The following MEF2A variants were observed in gnomAD, a reference collection of about 807,000 sequenced individuals.
MEF2A encodes the protein myocyte-specific enhancer factor 2A.
A neutral mutation model predicts 55.8 loss-of-function variants in MEF2A; 28 were observed. That is an observed-to-expected ratio of 0.50 (90% confidence interval 0.37 to 0.69). The LOEUF is 0.69. MEF2A is among the 30% of genes least tolerant of loss of function. MEF2A has a pLI of 0.00. For synonymous variants in MEF2A, 239 were observed against 227.1 expected (o/e 1.05, Z -0.47); for missense variants, 528 against 626.2 (o/e 0.84, Z 1.67).
intron 2 of MEF2A, among the ~76,000 whole-genome samples, chr15:99,617,964 C>T (rs1332720389): frequency 1.3e-5 from 2 of 152,090 alleles, no homozygotes; most frequent in African/African-American, 4.8e-5. Context: ...TTGTAAATTA[C>T]ATGTAAACAT....
At chr15:99,640,038 G>A (rs1427209213) in intron 3 of MEF2A, among the ~76,000 whole-genome samples, 3 of 152,136 alleles carry the variant, frequency 2.0e-5, no homozygotes, top group African/African-American at 7.2e-5. Context: ...AGTAGATTGT[G>A]AGCCTTTTTA....
At chr15:99,584,885 A>C (rs2152899864) in intron 1 of MEF2A, among the ~76,000 whole-genome samples, 1 of 151,368 alleles carries the variant, frequency 6.6e-6, no homozygotes, top group Non-Finnish European at 1.5e-5. Flanking sequence ...TTATTTTTTC[A>C]GAAAAGAACG....
At position 99,645,725 on chromosome 15, in the gene MEF2A, T is replaced by C. The variant is rs1156890060; in HGVS notation, c.219T>C (p.Asn73=). 6.2e-7 allele frequency: 1 copy of C among 1,611,182 alleles called. No individual in the cohort carries two copies. The change falls in exon 4 of 12, where the codon AAT becomes AAC. Residue 73 remains asparagine (N), a synonymous_variant. Coordinates refer to ENST00000557942, the MANE Select transcript of MEF2A (RefSeq NM_001319206.4). ...DKVLLKYTEY[N]EPHESRTNSD... ...TTCTTCTCAAGTATACAGAATATAA[T>C]GAACCTCATGAAAGCAGAACCAACT...
At chr15:99,679,979 T>C (rs2052906911) in intron 7 of MEF2A, among the ~76,000 whole-genome samples, 1 of 152,156 alleles carries the variant, frequency 6.6e-6, no homozygotes, top group Admixed American at 6.5e-5. Flanking sequence ...CTTTGGACAT[T>C]GTTGTCTGCA....
chr15:99,630,405 T>C (rs2042768458), intron 2 of MEF2A, among the ~76,000 whole-genome samples: 1 of 152,214 alleles, frequency 6.6e-6, no homozygotes, highest in African/African-American at 2.4e-5. Flanking sequence ...TTCAAAATTG[T>C]ATTTTTTGAT....
intron 4 of MEF2A, among the ~76,000 whole-genome samples, chr15:99,662,531 A>G (rs998679574): frequency 6.0e-5 from 9 of 150,476 alleles, no homozygotes; most frequent in Admixed American, 1.3e-4. Flanking sequence ...CTGGAGTGCA[A>G]TGGCACCATC....
intron 1 of MEF2A, among the ~76,000 whole-genome samples, chr15:99,574,937 A>G (rs1482497964): frequency 3.3e-5 from 5 of 152,242 alleles, no homozygotes; most frequent in African/African-American, 7.2e-5. Context: ...CACTGTGTAC[A>G]TTTCTAACAA....
At chr15:99,690,139 A>G (rs1390447543) in intron 7 of MEF2A, 102 bp from the exon 8 acceptor site, 7 of 1,117,392 alleles carry the variant, frequency 6.3e-6, no homozygotes, top group Non-Finnish European at 9.0e-6. Context: ...GAGTTTTGTT[A>G]TAAAATTTAT....
intron 1 of MEF2A, among the ~76,000 whole-genome samples, chr15:99,570,552 C>G (rs982675010): frequency 2.6e-5 from 4 of 152,136 alleles, no homozygotes; most frequent in African/African-American, 9.7e-5. Flanking sequence ...ACTTGCGTGA[C>G]CAGCAGCATG....
At chr15:99,619,791 A>G (rs1463630621) in intron 2 of MEF2A, among the ~76,000 whole-genome samples, 1 of 152,240 alleles carries the variant, frequency 6.6e-6, no homozygotes, top group Non-Finnish European at 1.5e-5. Flanking sequence ...TCCTGTTATA[A>G]AAAGTCACTT....
At chr15:99,678,878 GT>G (rs367636920) in intron 7 of MEF2A, 8 of 165,552 alleles carry the variant, frequency 4.8e-5, no homozygotes, top group South Asian at 2.0e-4. Context: ...CAATAGAGAG[GT>G]TTTTTTTTAA....
chr15:99,598,019 C>A (rs1017394785), intron 1 of MEF2A, among the ~76,000 whole-genome samples: 2 of 152,010 alleles, frequency 1.3e-5, no homozygotes, highest in Non-Finnish European at 2.9e-5. Flanking sequence ...TTGATGAAAA[C>A]AATATGGTGA....
Position 99,568,129 on chromosome 15 carries a change from G to T in MEF2A, c.-225+2025G>T, listed in dbSNP as rs1960543697. 1.3e-5 allele frequency among the ~76,000 whole-genome samples: 2 copies of T among 152,030 alleles called. 1 individual carries two copies. Among genetic ancestry groups the T allele is most frequent in the African/African-American group, 4.8e-5 (2 of 41,384 alleles). On this transcript the variant is annotated intron_variant, in intron 1 of 11. Coordinates refer to ENST00000557942, the MANE Select transcript of MEF2A (RefSeq NM_001319206.4). ...AAAATTGTGGTTTGATTTCATATTAGAACAAAAGTGTTAAAATTACACTTT... is the reference window on the plus strand; with the variant it reads ...AAAATTGTGGTTTGATTTCATATTATAACAAAAGTGTTAAAATTACACTTT...
intron 2 of MEF2A, among the ~76,000 whole-genome samples, chr15:99,623,129 CG>C (rs1331219732): frequency 6.6e-6 from 1 of 152,182 alleles, no homozygotes; most frequent in Non-Finnish European, 1.5e-5. Flanking sequence ...GACTACTTTA[CG>C]TACTTCATAC....
At chr15:99,587,911 C>G (rs1567169463) in intron 1 of MEF2A, among the ~76,000 whole-genome samples, 1 of 151,410 alleles carries the variant, frequency 6.6e-6, no homozygotes, top group South Asian at 2.1e-4. Flanking sequence ...AATCTGGATG[C>G]CTTTTCTTTT....
At chr15:99,590,168 T>C (rs1267783163) in intron 1 of MEF2A, among the ~76,000 whole-genome samples, 1 of 152,082 alleles carries the variant, frequency 6.6e-6, no homozygotes, top group Non-Finnish European at 1.5e-5. Flanking sequence ...TTTGGAACTT[T>C]ATCATTGGCT....
At chr15:99,693,509 A>T (rs938786020) in intron 8 of MEF2A, among the ~76,000 whole-genome samples, 1 of 152,214 alleles carries the variant, frequency 6.6e-6, no homozygotes, top group African/African-American at 2.4e-5. Flanking sequence ...AATCTTAGAG[A>T]TACATTACAG....
intron 3 of MEF2A, 57 bp downstream of exon 3, chr15:99,633,230 A>G (rs2043212601): frequency 8.2e-7 from 1 of 1,216,718 alleles, no homozygotes; most frequent in South Asian, 1.7e-5. Flanking sequence ...AAAAAAGAAC[A>G]TAGGACAGAA....
chr15:99,641,171 C>T (rs930457129), intron 3 of MEF2A, among the ~76,000 whole-genome samples: 1 of 152,178 alleles, frequency 6.6e-6, no homozygotes, highest in African/African-American at 2.4e-5. Flanking sequence ...GAAGATATTT[C>T]ATCTACCTGG....
Sources: gnomAD v4.1 joint callset for allele counts (sites outside exome capture counted in the v4.1 genomes callset) on GRCh38, gnomAD v4.1.1 for gene constraint, MANE v1.5 for transcripts, NCBI Gene and HGNC (gene_info 2026-07-23, HGNC 2026-07-21) for gene names.